SUMF1: variants seen among roughly 807,000 people sequenced by gnomAD.
SUMF1 encodes the protein sulfatase modifying factor 1.
A neutral mutation model predicts 47.6 loss-of-function variants in SUMF1; 48 were observed. The observed-to-expected ratio is 1.01, with a 90% CI of 0.80 to 1.28. The LOEUF is 1.28. Ranked by LOEUF, SUMF1 falls within the 50% of genes most tolerant of loss-of-function variation. The pLI is 0.00. For missense variants in SUMF1, 571 were observed against 485.4 expected (o/e 1.18, Z -1.66); for synonymous variants, 230 against 192.1 (o/e 1.20, Z -1.63).
intron 3 of SUMF1, among the ~76,000 whole-genome samples, chr3:4,440,187 C>T (rs1575224513): frequency 1.4e-5 from 2 of 142,758 alleles, no homozygotes; most frequent in African/African-American, 2.6e-5. Flanking sequence ...TTGCAGTGAG[C>T]TGAGATCATC....
intron 8 of SUMF1, among the ~76,000 whole-genome samples, chr3:4,198,591 A>G (rs1695478856): frequency 6.6e-6 from 1 of 152,164 alleles, no homozygotes; most frequent in Non-Finnish European, 1.5e-5. Context: ...AGCCTTCTAA[A>G]AGTGAAAAGA....
intron 9 of SUMF1, among the ~76,000 whole-genome samples, chr3:4,055,053 G>A (rs1374977951): frequency 6.6e-6 from 1 of 152,140 alleles, no homozygotes; most frequent in African/African-American, 2.4e-5. Context: ...GCTAGTTCAC[G>A]TCTTCTCACT....
intron 8 of SUMF1, among the ~76,000 whole-genome samples, chr3:4,123,566 TG>T (rs1693592159): frequency 6.6e-6 from 1 of 152,208 alleles, no homozygotes; most frequent in African/African-American, 2.4e-5. Flanking sequence ...GTATTGTACT[TG>T]TTCTATTGAT....
intron 9 of SUMF1, among the ~76,000 whole-genome samples, chr3:4,050,323 C>T (rs1161598672): frequency 2.6e-5 from 4 of 151,926 alleles, no homozygotes; most frequent in Non-Finnish European, 5.9e-5. Flanking sequence ...CCAAGGCAAT[C>T]TATTGTTATA....
chr3:4,352,343 A>G (rs891741333), intron 8 of SUMF1, among the ~76,000 whole-genome samples: 2 of 152,186 alleles, frequency 1.3e-5, no homozygotes, highest in Non-Finnish European at 2.9e-5. Context: ...TCATGTACAC[A>G]AAGCCTCCAG....
intron 7 of SUMF1, among the ~76,000 whole-genome samples, chr3:4,402,917 C>T (rs866069334): frequency 6.6e-5 from 10 of 152,070 alleles, no homozygotes; most frequent in Non-Finnish European, 1.0e-4. Context: ...GAGATCAACA[C>T]GGGAGAAAAA....
intron 8 of SUMF1, chr3:4,312,973 G>T: frequency 1.2e-6 from 2 of 1,614,010 alleles, no homozygotes; most frequent in Non-Finnish European, 1.7e-6. Context: ...ATGCATTTGT[G>T]TCAAAACTCC....
intron 8 of SUMF1, among the ~76,000 whole-genome samples, chr3:4,311,826 G>A (rs1302693152): frequency 6.6e-6 from 1 of 152,114 alleles, no homozygotes; most frequent in Non-Finnish European, 1.5e-5. Flanking sequence ...GGTATAAAAT[G>A]GTTTGAGTTC....
At chr3:4,294,975 T>TA (rs1219029363) in intron 8 of SUMF1, among the ~76,000 whole-genome samples, 2 of 152,312 alleles carry the variant, frequency 1.3e-5, no homozygotes, top group African/African-American at 4.8e-5. Context: ...CATTCACACT[T>TA]ACTGAGATAA....
chr3:4,236,101 A>T (rs1394820448), intron 8 of SUMF1, among the ~76,000 whole-genome samples: 1 of 151,968 alleles, frequency 6.6e-6, no homozygotes, highest in Non-Finnish European at 1.5e-5. Flanking sequence ...GCATCACCAC[A>T]TCTTGCTAAT....
At chr3:4,047,670 T>C (rs1196598227) in intron 9 of SUMF1, among the ~76,000 whole-genome samples, 1 of 152,158 alleles carries the variant, frequency 6.6e-6, no homozygotes, top group Non-Finnish European at 1.5e-5. Flanking sequence ...GTACTAAATG[T>C]TTAGTGACTG....
At chr3:4,203,198 C>T (rs991998556) in intron 8 of SUMF1, among the ~76,000 whole-genome samples, 3 of 151,778 alleles carry the variant, frequency 2.0e-5, no homozygotes, top group African/African-American at 7.3e-5. Flanking sequence ...TATTGATGTT[C>T]CCACCTATTG....
chr3:4,317,303 T>G (rs1475484941), intron 8 of SUMF1: 1 of 1,200,454 alleles, frequency 8.3e-7, no homozygotes, highest in Non-Finnish European at 1.1e-6. Context: ...AAAACCGCAG[T>G]TAGTTTTGCA....
chr3:4,097,277 A>C (rs1692926620), intron 8 of SUMF1, among the ~76,000 whole-genome samples: 1 of 152,070 alleles, frequency 6.6e-6, no homozygotes, highest in Non-Finnish European at 1.5e-5. Context: ...TGAGCCAGGC[A>C]CGGTGGCTCA....
Position 4,418,083 on chromosome 3 carries a change from A to T in SUMF1, c.652T>A (p.Cys218Ser). Residue 218 changes from cysteine (C) to serine (S), a missense_variant, in exon 5 of 9, where the codon TGC becomes AGC. Transcript: ENST00000272902. ...GGCAGCCGCTTCCCTGCCCAAGTGC[A>T]GTAGGCAACCGCATCATTCCAGGAC... ...HVSWNDAVAY[C>S]TWAGKRLPTE... 1 of 1,614,090 alleles carries T rather than the reference A, an allele frequency of 6.2e-7. No homozygotes were observed.
intron 8 of SUMF1, among the ~76,000 whole-genome samples, chr3:4,325,932 C>T (rs530254641): frequency 1.3e-5 from 2 of 152,226 alleles, no homozygotes; most frequent in East Asian, 3.9e-4. Flanking sequence ...AGCAATTTTC[C>T]TGCCTCAGCC....
In SUMF1 at chr3:4,410,962, G is replaced by C. The variant is rs1233453075; in HGVS notation, c.857C>G (p.Pro286Arg). ...QGTAPVDAFP[P>R]NGYGLYNIVG... ...TATGTTGTATAAGCCATAACCATTG[G>C]GAGGGAAGGCATCAACCTAAAAACA... Residue 286 changes from proline to arginine, a missense_variant, in exon 7 of 9, where the codon CCC becomes CGC. By Grantham distance (103) the Pro-to-Arg change is moderately radical. Coordinates refer to ENST00000272902, the MANE Select transcript of SUMF1 (RefSeq NM_182760.4). 1.9e-6 allele frequency: 3 copies of C among 1,613,896 alleles called. No individual in the cohort carries two copies. Among genetic ancestry groups the C allele is most frequent in the Non-Finnish European group, 2.5e-6 (3 of 1,179,910 alleles).
At chr3:4,302,024 C>T (rs1671393479) in intron 8 of SUMF1, among the ~76,000 whole-genome samples, 2 of 152,148 alleles carry the variant, frequency 1.3e-5, no homozygotes, top group African/African-American at 4.8e-5. Context: ...CAAGAGGATA[C>T]TAACAAGGAA....
chr3:4,064,738 ACC>A (rs1195742921), intron 9 of SUMF1, among the ~76,000 whole-genome samples: 1 of 152,074 alleles, frequency 6.6e-6, no homozygotes, highest in East Asian at 1.9e-4. Context: ...CAGGAATTGA[ACC>A]CAGGTCTACA....
Sources: gnomAD v4.1 joint callset for allele counts (sites outside exome capture counted in the v4.1 genomes callset) on GRCh38, gnomAD v4.1.1 for gene constraint, MANE v1.5 for transcripts, NCBI Gene and HGNC (gene_info 2026-07-23, HGNC 2026-07-21) for gene names.